Variants in ACSL4 observed in about 807,000 individuals in gnomAD.
ACSL4 encodes the protein acyl-CoA synthetase long chain family member 4.
A neutral mutation model predicts 49.1 loss-of-function variants in ACSL4; 9 were observed. The ratio of observed to expected loss-of-function variants is 0.18; its 90% confidence interval spans 0.11 to 0.32. The LOEUF (loss-of-function observed/expected upper bound fraction) is 0.32. ACSL4 is among the 10% of genes least tolerant of loss of function. The pLI is 1.00. For synonymous variants in ACSL4, 191 were observed against 170.3 expected (o/e 1.12, Z -0.95); for missense variants, 333 against 493.7 (o/e 0.67, Z 3.08).
intron 1 of ACSL4, among the ~76,000 whole-genome samples, chrX:109,704,992 A>G (rs1316307898): frequency 9.0e-6 from 1 of 111,219 alleles, no homozygotes. Context: ...GCAGGAGGAA[A>G]CTTTTGGAAG....
At chrX:109,723,757 G>A (rs1027431223) in intron 1 of ACSL4, among the ~76,000 whole-genome samples, 1 of 112,002 alleles carries the variant, frequency 8.9e-6, no homozygotes, top group African/African-American at 3.2e-5. Context: ...TAAAACTATT[G>A]GGTCAAAATG....
At chrX:109,700,207 C>CAA (rs748667601) in intron 1 of ACSL4, among the ~76,000 whole-genome samples, 220 of 15,718 alleles carry the variant, frequency 0.014, no homozygotes, top group Middle Eastern at 0.028. Context: ...GACTCCGTCT[C>CAA]AAAAAAAAAA....
chrX:109,676,947 T>G (rs1923747326), intron 8 of ACSL4, among the ~76,000 whole-genome samples: 1 of 111,945 alleles, frequency 8.9e-6, no homozygotes, highest in South Asian at 3.7e-4. Flanking sequence ...TAAAAAAATT[T>G]TTTTCAATTT....
chrX:109,677,833 G>A (rs755189924), intron 8 of ACSL4, among the ~76,000 whole-genome samples, 155 bp downstream of exon 8: 1 of 112,089 alleles, frequency 8.9e-6, no homozygotes, highest in African/African-American at 3.2e-5. Context: ...AATCTACAGG[G>A]TAATCTCCTA....
In ACSL4 at chrX:109,711,261, C is replaced by T. The variant is rs182669914; in HGVS notation, c.-65-15065G>A. The stretch of plus-strand genomic sequence containing the variant: ...AGCAAACCTGTATTTCTAAACTAAT[C>T]CAGATCCTATAAGCTCCAGCTCTTT... On this transcript the variant is annotated intron_variant, in intron 1 of 15. Coordinates refer to ENST00000672401, the MANE Select transcript of ACSL4 (RefSeq NM_001318510.2). Among the ~76,000 whole-genome samples, 5 of 112,135 alleles carry T rather than the reference C, an allele frequency of 4.5e-5. No homozygotes were observed. In the East Asian group the frequency reaches 1.4e-3, roughly 31 times the overall value.
chrX:109,702,431 T>C (rs917952532), intron 1 of ACSL4, among the ~76,000 whole-genome samples: 2 of 112,164 alleles, frequency 1.8e-5, no homozygotes, highest in Non-Finnish European at 3.8e-5. Context: ...CCTATCAATA[T>C]ACTTATGCTA....
rs921285016 is a variant in ACSL4, at chrX:109,678,934, G to C, written c.656-519C>G. Among the ~76,000 whole-genome samples the C allele has an allele frequency of 3.6e-5, 4 of 112,091 alleles. No individual in the cohort carries two copies. In the Admixed American group the frequency reaches 3.8e-4, roughly 11 times the overall value. ...GCCTCTCCACAGTGTTGTATACAGA[G>C]CAATGTTGTGGAAAGATTTCTGGGA... On this transcript the variant is annotated intron_variant, in intron 6 of 15. Transcript: ENST00000672401.
At chrX:109,688,779 T>C (rs762167204) in intron 2 of ACSL4, among the ~76,000 whole-genome samples, 76 of 111,264 alleles carry the variant, frequency 6.8e-4, no homozygotes, top group African/African-American at 2.2e-3. Context: ...GGAAACCATA[T>C]TCTTCAGGTT....
intron 15 of ACSL4, among the ~76,000 whole-genome samples, chrX:109,645,104 C>T (rs1204441980): frequency 1.8e-5 from 2 of 112,640 alleles, no homozygotes; most frequent in South Asian, 7.3e-4. Flanking sequence ...GAGGGGCGCC[C>T]GCCATTGCCC....
Position 109,683,330 on chromosome X carries a change from C to T in ACSL4, c.34G>A (p.Asp12Asn), listed in dbSNP as rs1018050140. 1 of 1,211,733 alleles carries T rather than the reference C, an allele frequency of 8.3e-7. No homozygotes were observed. Among genetic ancestry groups the T allele is most frequent in the Non-Finnish European group, 1.1e-6 (1 of 895,547 alleles). The change falls in exon 3 of 16, where the codon GAC becomes AAC. Residue 12 changes from aspartate (D) to asparagine (N), a missense_variant. Around this residue, in one of 3 missense-constraint regions of ACSL4, gnomAD observed 157 missense variants for 201.1 expected, o/e 0.78. Transcript: ENST00000672401. Reference protein sequence around the residue: ...AKRIKAKPTSDKPGSPYRSVT... With the variant: ...AKRIKAKPTSNKPGSPYRSVT... ...GAGCGATATGGACTTCCAGGTTTGT[C>T]TGAAGTGGGCTTAGCTTTTATTCTC...
chrX:109,664,260 CA>C (rs1922444006), intron 12 of ACSL4, among the ~76,000 whole-genome samples: 1 of 111,178 alleles, frequency 9.0e-6, no homozygotes, highest in South Asian at 3.8e-4. Flanking sequence ...ACCTACTCCC[CA>C]AAACTGACAT....
intron 1 of ACSL4, among the ~76,000 whole-genome samples, chrX:109,725,670 G>A (rs183235030): frequency 9.1e-6 from 1 of 110,408 alleles, no homozygotes; most frequent in Non-Finnish European, 1.9e-5. Flanking sequence ...AACCCGGGAG[G>A]TGGAGCTTAC....
intron 2 of ACSL4, chrX:109,692,278 G>A (rs182724967): frequency 1.8e-5 from 2 of 111,663 alleles, no homozygotes; most frequent in Non-Finnish European, 3.8e-5. Flanking sequence ...AGTCAATGTT[G>A]ATGCCTACAC....
intron 1 of ACSL4, among the ~76,000 whole-genome samples, chrX:109,696,983 G>T (rs766229709): frequency 7.2e-5 from 8 of 111,687 alleles, no homozygotes; most frequent in Non-Finnish European, 1.5e-4. Flanking sequence ...GGTCAAGGCT[G>T]CAATGAGCCA....
At chrX:109,712,482 A>C (rs1345879558) in intron 1 of ACSL4, among the ~76,000 whole-genome samples, 1 of 112,028 alleles carries the variant, frequency 8.9e-6, no homozygotes, top group Admixed American at 9.5e-5. Flanking sequence ...AGTAAGTGAC[A>C]GTGTGTTCAG....
intron 9 of ACSL4, among the ~76,000 whole-genome samples, chrX:109,672,580 C>T (rs1002073326): frequency 2.7e-5 from 3 of 110,843 alleles, no homozygotes; most frequent in African/African-American, 9.9e-5. Flanking sequence ...TTCATTCTGA[C>T]CCAGGAAAGA....
intron 1 of ACSL4, among the ~76,000 whole-genome samples, chrX:109,727,545 TAGACCACAGTGCTTTGG>T (rs1307077388): frequency 3.6e-5 from 4 of 111,847 alleles, no homozygotes. Flanking sequence ...TTGCTGCTCC[TAGACCACAGTGCTTTGG>T]AGACTTAGTA....
chrX:109,690,938 TAC>T (rs1925001827), intron 2 of ACSL4, among the ~76,000 whole-genome samples: 1 of 111,365 alleles, frequency 9.0e-6, no homozygotes, highest in Non-Finnish European at 1.9e-5. Context: ...TAAGCTCTAG[TAC>T]ACAAAGTAAA....
At chrX:109,679,333 C>G (rs1410862967) in intron 6 of ACSL4, among the ~76,000 whole-genome samples, 1 of 111,811 alleles carries the variant, frequency 8.9e-6, no homozygotes, top group East Asian at 2.8e-4. Flanking sequence ...CGAGAATATA[C>G]CAAAATGGCT....
Sources: gnomAD v4.1 joint callset for allele counts (sites outside exome capture counted in the v4.1 genomes callset) on GRCh38, gnomAD v4.1.1 for gene constraint, gnomAD v4.1.1 regional missense constraint, MANE v1.5 for transcripts, NCBI Gene and HGNC (gene_info 2026-07-23, HGNC 2026-07-21) for gene names.